The following EGFLAM variants were observed in gnomAD, a reference collection of about 807,000 sequenced individuals.
The protein encoded by EGFLAM is EGF like, fibronectin type III and laminin G domains.
In EGFLAM, 79 loss-of-function variants were observed where a neutral mutation model predicts 113.1. The observed-to-expected ratio is 0.70, with a 90% CI of 0.58 to 0.84. The LOEUF is 0.84. Ranked by LOEUF, EGFLAM falls within the 40% of genes least tolerant of loss-of-function variation. The probability of loss-of-function intolerance (pLI) is 0.00; values close to 1 mark genes in which losing one functional copy is unlikely to be tolerated. For synonymous variants in EGFLAM, 504 were observed against 487.6 expected (o/e 1.03, Z -0.44); for missense variants, 1,265 against 1,291.6 (o/e 0.98, Z 0.32).
At chr5:38,424,907 C>T (rs1293555607) in intron 12 of EGFLAM, 60 bp from the exon 13 acceptor site, 1 of 1,592,060 alleles carries the variant, frequency 6.3e-7, no homozygotes, top group African/African-American at 1.3e-5. Context: ...GGGGTCAGCG[C>T]CACTGTGTTG....
chr5:38,408,135 A>G (rs1206015021), intron 9 of EGFLAM, among the ~76,000 whole-genome samples: 1 of 152,210 alleles, frequency 6.6e-6, no homozygotes. Flanking sequence ...TTACTGAACT[A>G]TAGAGTAGCT....
chr5:38,445,752 G>A (rs752891370), intron 17 of EGFLAM: 22 of 1,584,778 alleles, frequency 1.4e-5, no homozygotes, highest in Non-Finnish European at 1.8e-5. Flanking sequence ...CTGGGCTGGG[G>A]CAGGCCAACC....
chr5:38,331,445 A>G (rs1489348205), intron 1 of EGFLAM, among the ~76,000 whole-genome samples: 1 of 152,064 alleles, frequency 6.6e-6, no homozygotes, highest in African/African-American at 2.4e-5. Flanking sequence ...GGTCTTTTTT[A>G]CTGTTTCCTT....
In EGFLAM at chr5:38,451,452, T is replaced by C. The variant is rs1192232534; in HGVS notation, c.2681T>C (p.Val894Ala). 1.9e-6 allele frequency: 3 copies of C among 1,614,048 alleles called. No homozygotes were observed. The highest frequency in any genetic ancestry group is 1.6e-4 in the Middle Eastern group (1 of 6,062). Residue 894 changes from valine (V) to alanine (A), a missense_variant, in exon 19 of 22, where the codon GTG becomes GCG. Physicochemically the swap from Val to Ala is moderately conservative, Grantham distance 64. Coordinates refer to ENST00000322350, the MANE Select transcript of EGFLAM (RefSeq NM_152403.4). ...ISLGLRDGAL[V>A]FSYNLGSGVA... ...TTGGGCCTTCGGGATGGAGCCCTCG[T>C]GTTCAGGTAACCCCCTCTCCATCTG... is the stretch of plus-strand genomic sequence containing the variant.
chr5:38,390,739 A>G lies in EGFLAM; in HGVS notation c.713-15387A>G, dbSNP rs141658202. ...TTTGAATTGTACTTCTCCATTTCTA[A>G]TGAAGTTAAGCATAACTTTATAATC... On this transcript the variant is annotated intron_variant, in intron 6 of 21. Coordinates refer to ENST00000322350, the MANE Select transcript of EGFLAM (RefSeq NM_152403.4). Among the ~76,000 whole-genome samples the G allele has an allele frequency of 6.5e-3, 997 of 152,300 alleles. 11 individuals carry two copies. The highest frequency in any genetic ancestry group is 0.023 in the African/African-American group (954 of 41,558).
At position 38,399,582 on chromosome 5, in the gene EGFLAM, A is replaced by G. The variant is rs116353207; in HGVS notation, c.713-6544A>G. Among the ~76,000 whole-genome samples the G allele has an allele frequency of 3.7e-3, 570 of 152,224 alleles. 2 individuals are homozygous for G. Among genetic ancestry groups the G allele is most frequent in the African/African-American group, 0.013 (538 of 41,526 alleles). On this transcript the variant is annotated intron_variant, in intron 6 of 21. Transcript: ENST00000322350. Reference sequence around the variant, plus strand: ...TGTGAGCCACTGCACCCGGCCCCCAAGGTCCTTTGATAGATTAGCTTCCCT... The same window carrying G: ...TGTGAGCCACTGCACCCGGCCCCCAGGGTCCTTTGATAGATTAGCTTCCCT...
chr5:38,366,197 C>A (rs1471080856), intron 5 of EGFLAM, among the ~76,000 whole-genome samples: 1 of 152,198 alleles, frequency 6.6e-6, no homozygotes, highest in Non-Finnish European at 1.5e-5. Flanking sequence ...AGAGCAACTT[C>A]TGCCCAGTGA....
chr5:38,269,497 T>TC (rs1323010355), intron 1 of EGFLAM, among the ~76,000 whole-genome samples: 1 of 151,068 alleles, frequency 6.6e-6, no homozygotes, highest in African/African-American at 2.4e-5. Context: ...CTTTTCTTTT[T>TC]TTTTTTTTTT....
At chr5:38,318,130 AAG>A (rs1738648140) in intron 1 of EGFLAM, among the ~76,000 whole-genome samples, 1 of 152,074 alleles carries the variant, frequency 6.6e-6, no homozygotes, top group African/African-American at 2.4e-5. Context: ...TGCCTCATGG[AAG>A]AGAGTCTCCT....
At chr5:38,296,982 C>A (rs906336805) in intron 1 of EGFLAM, among the ~76,000 whole-genome samples, 4 of 151,980 alleles carry the variant, frequency 2.6e-5, no homozygotes, top group Admixed American at 6.6e-5. Context: ...ACAAAACAAC[C>A]GACCAGTACT....
intron 13 of EGFLAM, among the ~76,000 whole-genome samples, chr5:38,425,735 A>G (rs1741983974): frequency 6.6e-6 from 1 of 152,170 alleles, no homozygotes; most frequent in Non-Finnish European, 1.5e-5. Flanking sequence ...AATAACTTTT[A>G]AAAAGCCTGT....
At chr5:38,274,582 C>T (rs1757841960) in intron 1 of EGFLAM, among the ~76,000 whole-genome samples, 1 of 151,940 alleles carries the variant, frequency 6.6e-6, no homozygotes, top group African/African-American at 2.4e-5. Context: ...AAACTGCCAA[C>T]CAAGAATACT....
chr5:38,269,496 T>C (rs1347127394), intron 1 of EGFLAM, among the ~76,000 whole-genome samples: 5 of 150,886 alleles, frequency 3.3e-5, no homozygotes, highest in East Asian at 3.9e-4. Flanking sequence ...TCTTTTCTTT[T>C]TTTTTTTTTT....
In EGFLAM at chr5:38,462,907, G is replaced by T; in HGVS notation, c.2772-1G>T. ...TTCTTTTTTGTTTTGGTGTTTTGCA[G>T]GGATGGCCAGTCAGGAAAGATAACC... On this transcript the variant is annotated splice_acceptor_variant, in intron 20 of 21. Transcript: ENST00000322350. LOFTEE classifies it high-confidence loss of function. The T allele has an allele frequency of 6.2e-7, 1 of 1,614,060 alleles. No individual in the cohort carries two copies. Among genetic ancestry groups the T allele is most frequent in the South Asian group, 1.1e-5 (1 of 91,064 alleles).
chr5:38,435,806 CTTTTT>C (rs60461690), intron 16 of EGFLAM, among the ~76,000 whole-genome samples: 8 of 88,922 alleles, frequency 9.0e-5, no homozygotes, highest in African/African-American at 1.9e-4. Flanking sequence ...CCGGCTCTCT[CTTTTT>C]TTTTTTTTTT....
In EGFLAM at chr5:38,427,226, C is replaced by T; in HGVS notation, c.2028C>T (p.Asp676=). The T allele has an allele frequency of 6.2e-7, 1 of 1,614,168 alleles. No homozygotes were observed. The highest frequency in any genetic ancestry group is 8.5e-7 in the Non-Finnish European group (1 of 1,180,004). ...GGGGCCACGTGGAGTTCCGCTTTGA[C>T]TGTGGCTCTGGGACCGGTGTCCTCA... ...LAGGHVEFRF[D]CGSGTGVLRS... The change falls in exon 14 of 22, where the codon GAC becomes GAT. Residue 676 remains aspartate, a synonymous_variant. Coordinates refer to ENST00000322350, the MANE Select transcript of EGFLAM (RefSeq NM_152403.4).
chr5:38,270,527 T>G (rs1189904490), intron 1 of EGFLAM, among the ~76,000 whole-genome samples: 1 of 152,196 alleles, frequency 6.6e-6, no homozygotes, highest in Non-Finnish European at 1.5e-5. Context: ...TGATAGTTGT[T>G]TTTAAGTAAT....
chr5:38,424,825 C>A, intron 12 of EGFLAM, 142 bp from the exon 13 acceptor site: 1 of 1,122,044 alleles, frequency 8.9e-7, no homozygotes, highest in Non-Finnish European at 1.2e-6. Context: ...AGCCCATTTG[C>A]AGTTGTGCAG....
intron 6 of EGFLAM, among the ~76,000 whole-genome samples, chr5:38,391,773 A>G (rs1740819059): frequency 6.6e-6 from 1 of 151,716 alleles, no homozygotes; most frequent in Non-Finnish European, 1.5e-5. Context: ...ATTGTCCTTC[A>G]CAATGCCTTT....
Sources: gnomAD v4.1 joint callset for allele counts (sites outside exome capture counted in the v4.1 genomes callset) on GRCh38, gnomAD v4.1.1 for gene constraint, MANE v1.5 for transcripts, NCBI Gene and HGNC (gene_info 2026-07-23, HGNC 2026-07-21) for gene names.